The following ZNF362 variants were observed in gnomAD, a reference collection of about 807,000 sequenced individuals.
ZNF362 encodes rotund homolog.
ZNF362 carries 11 observed loss-of-function variants against 42.9 expected under a neutral mutation model. The ratio of observed to expected loss-of-function variants is 0.26; its 90% CI spans 0.16 to 0.42. The LOEUF (loss-of-function observed/expected upper bound fraction) is 0.42. ZNF362 is among the 20% of genes least tolerant of loss of function. ZNF362 has a pLI of 1.00. For missense variants in ZNF362, 362 were observed against 576.2 expected (o/e 0.63, Z 3.81); for synonymous variants, 255 against 257.3 (o/e 0.99, Z 0.09).
chr1:33,210,707 G>T, the ZNF362 span, among the ~76,000 whole-genome samples: 1 of 151,968 alleles, frequency 6.6e-6, no homozygotes, highest in African/African-American at 2.4e-5. Context: ...TTTGATCTTT[G>T]TTGGTTTAAA....
At chr1:33,175,771 T>C in the ZNF362 span, among the ~76,000 whole-genome samples, 1 of 152,062 alleles carries the variant, frequency 6.6e-6, no homozygotes, top group Non-Finnish European at 1.5e-5. Flanking sequence ...AAAAAATCCT[T>C]GTGAGAATCA....
chr1:33,139,299 A>G, the ZNF362 span, among the ~76,000 whole-genome samples: 1 of 152,174 alleles, frequency 6.6e-6, no homozygotes, highest in Non-Finnish European at 1.5e-5. Flanking sequence ...GAGATGGGGT[A>G]GTTTCAAAAT....
the ZNF362 span, among the ~76,000 whole-genome samples, chr1:33,175,001 G>GTATGTA: frequency 3.6e-3 from 483 of 135,654 alleles, 2 homozygotes; most frequent in African/African-American, 9.4e-3. Flanking sequence ...ACACACACAT[G>GTATGTA]TATGTATATG....
At chr1:33,178,886 AG>A in the ZNF362 span, among the ~76,000 whole-genome samples, 2 of 152,364 alleles carry the variant, frequency 1.3e-5, no homozygotes, top group South Asian at 4.1e-4. Context: ...AGAGTACAGA[AG>A]CCCAACATAC....
the ZNF362 span, among the ~76,000 whole-genome samples, chr1:33,193,004 C>CACACACACACACACATATATATAT: frequency 3.6e-4 from 50 of 137,292 alleles, no homozygotes; most frequent in East Asian, 3.4e-3. Context: ...CACACACACA[C>CACACACACACACACATATATATAT]ATATATATAT....
At chr1:33,234,494 C>T in the ZNF362 span, among the ~76,000 whole-genome samples, 4 of 152,054 alleles carry the variant, frequency 2.6e-5, no homozygotes. Flanking sequence ...TTTAAAGACC[C>T]CCCACCCCAT....
the ZNF362 span, among the ~76,000 whole-genome samples, chr1:33,144,937 C>G: frequency 6.6e-6 from 1 of 152,256 alleles, no homozygotes; most frequent in Non-Finnish European, 1.5e-5. Flanking sequence ...CTGCACTTTA[C>G]AGCTTACCAA....
intron 4 of ZNF362, among the ~76,000 whole-genome samples, chr1:33,277,646 T>G (rs1412100763): frequency 1.3e-5 from 2 of 151,758 alleles, no homozygotes; most frequent in Admixed American, 6.6e-5. Flanking sequence ...TGGAGAGAAG[T>G]GGACAGATAT....
At chr1:33,133,026 AGGCTTTGTGCTCCTT>A in the ZNF362 span, among the ~76,000 whole-genome samples, 1 of 152,208 alleles carries the variant, frequency 6.6e-6, no homozygotes. Context: ...TCCTTGGAGG[AGGCTTTGTGCTCCTT>A]GGTAAGGTTC....
intron 2 of ZNF362, among the ~76,000 whole-genome samples, chr1:33,274,491 G>T (rs1645928098): frequency 6.6e-6 from 1 of 152,174 alleles, no homozygotes; most frequent in Non-Finnish European, 1.5e-5. Flanking sequence ...CAGGCAGGAA[G>T]TACTTCTTGT....
the ZNF362 span, among the ~76,000 whole-genome samples, chr1:33,139,384 A>G: frequency 5.3e-5 from 8 of 152,212 alleles, no homozygotes; most frequent in Non-Finnish European, 8.8e-5. Flanking sequence ...ATGCAAAACC[A>G]TAGGACAGGA....
chr1:33,259,364 G>T (rs1326072217), intron 1 of ZNF362, among the ~76,000 whole-genome samples: 1 of 152,190 alleles, frequency 6.6e-6, no homozygotes, highest in African/African-American at 2.4e-5. Flanking sequence ...GTCTTGGGGG[G>T]TGGAGGCAAG....
chr1:33,141,403 T>G, the ZNF362 span, among the ~76,000 whole-genome samples: 1 of 152,192 alleles, frequency 6.6e-6, no homozygotes, highest in Non-Finnish European at 1.5e-5. Flanking sequence ...AGTACTCATC[T>G]CAGCTCCACC....
chr1:33,216,580 A>G, the ZNF362 span, among the ~76,000 whole-genome samples: 2 of 119,188 alleles, frequency 1.7e-5, no homozygotes, highest in African/African-American at 3.1e-5. Context: ...AGCGTGGGCC[A>G]CAGAGCAAGA....
At chr1:33,255,216 G>A (rs1645778978), upstream of ZNF362, among the ~76,000 whole-genome samples, 1 of 152,184 alleles carries the variant, frequency 6.6e-6, no homozygotes, top group East Asian at 1.9e-4. Context: ...TGAGGGCAGG[G>A]GCATTATCCA....
chr1:33,271,537 C>T lies in ZNF362; in HGVS notation c.38+925C>T, dbSNP rs1041966824. ...GTGAGTTGGAGTAAAGATTGGAACC[C>T]GGGTATGTTGGGCTGCAAACAGAGC... On this transcript the variant is annotated intron_variant, in intron 2 of 8. Transcript: ENST00000539719. 3.1e-4 allele frequency among the ~76,000 whole-genome samples: 47 copies of T among 152,202 alleles called. 1 individual carries two copies. Among genetic ancestry groups the T allele is most frequent in the Admixed American group, 2.9e-3 (44 of 15,282 alleles).
the ZNF362 span, among the ~76,000 whole-genome samples, chr1:33,226,452 C>T: frequency 6.6e-6 from 1 of 152,174 alleles, no homozygotes. Flanking sequence ...ATTCAAATCT[C>T]CATAAGCTGA....
the ZNF362 span, among the ~76,000 whole-genome samples, chr1:33,177,668 C>T: frequency 6.0e-4 from 92 of 152,164 alleles, no homozygotes; most frequent in Admixed American, 1.4e-3. The surrounding 1 kb of genome is among the most constrained non-coding windows in gnomAD (Gnocchi z 4.1). Flanking sequence ...TCACAACTTG[C>T]GGGGTGGGTG....
At chr1:33,150,308 G>A in the ZNF362 span, among the ~76,000 whole-genome samples, 2 of 152,184 alleles carry the variant, frequency 1.3e-5, no homozygotes, top group Non-Finnish European at 2.9e-5. Flanking sequence ...TACTTCAGTT[G>A]CCTCTGTTGG....
Sources: allele counts gnomAD v4.1 joint callset (sites outside exome capture counted in the v4.1 genomes callset), GRCh38; gene constraint gnomAD v4.1.1; non-coding constraint Gnocchi (gnomAD v3.1); transcripts MANE v1.5; gene names NCBI Gene and HGNC (gene_info 2026-07-23, HGNC 2026-07-21).